Variants in ARFGEF1 observed in about 807,000 individuals in gnomAD.
ARFGEF1 encodes brefeldin A-inhibited guanine nucleotide-exchange protein 1.
A neutral mutation model predicts 231.0 loss-of-function variants in ARFGEF1; 42 were observed. That is an observed-to-expected ratio of 0.18 (90% CI 0.14 to 0.24). The LOEUF (loss-of-function observed/expected upper bound fraction) is 0.24, where lower values mean the gene tolerates loss of function less well. ARFGEF1 is among the 10% of genes least tolerant of loss of function. The pLI is 1.00. For missense variants in ARFGEF1, 1,345 were observed against 2,192.0 expected, an observed-to-expected ratio of 0.61 and a Z score of 7.72; for synonymous variants, 710 against 732.3, an observed-to-expected ratio of 0.97 and a Z score of 0.49.
chr8:67,283,612 T>C (rs1370831404), intron 7 of ARFGEF1, among the ~76,000 whole-genome samples: 3 of 152,116 alleles, frequency 2.0e-5, no homozygotes, highest in African/African-American at 7.2e-5. Flanking sequence ...CTGTAAAATA[T>C]ATCACAGAAT....
chr8:67,320,276 A>T (rs1459872259), intron 1 of ARFGEF1, among the ~76,000 whole-genome samples: 2 of 151,932 alleles, frequency 1.3e-5, no homozygotes, highest in African/African-American at 4.8e-5. Flanking sequence ...AGCCATTAAG[A>T]AAATGCAAAT....
chr8:67,197,262 T>C (rs1172002086), downstream of ARFGEF1, among the ~76,000 whole-genome samples: 1 of 151,916 alleles, frequency 6.6e-6, no homozygotes, highest in Non-Finnish European at 1.5e-5. Context: ...GCCTGGGCAA[T>C]ATAGTGAGAT....
Position 67,343,396 on chromosome 8 carries a change from G to A in ARFGEF1, c.-109C>T. 6.8e-7 allele frequency: 1 copy of A among 1,474,488 alleles called. No homozygotes were observed. The highest frequency in any genetic ancestry group is 9.0e-7 in the Non-Finnish European group (1 of 1,106,988). The allele number at this position is 1,474,488 out of a possible 1,614,324, so 91.3% of individuals were successfully genotyped here. ...GAGAGAAAGGAGAGGGGGTGGAGGT[G>A]GGGGATTGGAGGCGTGGAGGGCAGC... On this transcript the variant is annotated 5_prime_UTR_variant, in exon 1 of 39. Coordinates refer to ENST00000262215, the MANE Select transcript of ARFGEF1 (RefSeq NM_006421.5).
intron 1 of ARFGEF1, among the ~76,000 whole-genome samples, chr8:67,321,201 CA>C (rs1294605564): frequency 2.0e-5 from 3 of 151,874 alleles, no homozygotes; most frequent in Non-Finnish European, 4.4e-5. Context: ...TTCTGTATCC[CA>C]ACTGTGATAG....
At chr8:67,333,624 T>C (rs1187409695) in intron 1 of ARFGEF1, among the ~76,000 whole-genome samples, 1 of 152,130 alleles carries the variant, frequency 6.6e-6, no homozygotes, top group African/African-American at 2.4e-5. Context: ...GTTCAATTTT[T>C]TGAAGAATAT....
intron 1 of ARFGEF1, among the ~76,000 whole-genome samples, chr8:67,341,599 AAAAC>A (rs1007520110): frequency 5.9e-5 from 9 of 152,136 alleles, no homozygotes; most frequent in Admixed American, 5.2e-4. Flanking sequence ...CCTGTCTCAA[AAAAC>A]AAACAAAAAT....
At chr8:67,329,272 G>T (rs926004309) in intron 1 of ARFGEF1, among the ~76,000 whole-genome samples, 1 of 151,200 alleles carries the variant, frequency 6.6e-6, no homozygotes, top group African/African-American at 2.4e-5. Flanking sequence ...AAGAATTTAG[G>T]CCGGGCACAG....
chr8:67,202,871 C>A (rs1314108543), intron 36 of ARFGEF1, among the ~76,000 whole-genome samples: 1 of 152,088 alleles, frequency 6.6e-6, no homozygotes, highest in Non-Finnish European at 1.5e-5. Context: ...AATAATAGAC[C>A]AAGGGGGAAA....
At chr8:67,237,934 G>A (rs1043933965) in intron 22 of ARFGEF1, among the ~76,000 whole-genome samples, 4 of 152,130 alleles carry the variant, frequency 2.6e-5, no homozygotes, top group East Asian at 1.9e-4. Flanking sequence ...CATATTGAGC[G>A]CATGGGGAGC....
At chr8:67,213,536 A>G (rs1838822256) in intron 33 of ARFGEF1, among the ~76,000 whole-genome samples, 1 of 152,172 alleles carries the variant, frequency 6.6e-6, no homozygotes, top group Admixed American at 6.5e-5. Flanking sequence ...TTTTGTGTCA[A>G]TTTGGCTAGG....
rs1349564598 is a variant in ARFGEF1, at chr8:67,258,171, T to C, written c.2355A>G (p.Leu785=). The C allele has an allele frequency of 3.1e-6, 5 of 1,613,612 alleles. No homozygotes were observed. The African/African-American group carries it at 5.3e-5, about 17-fold the overall frequency. Residue 785 remains leucine (L), a synonymous_variant, in exon 16 of 39, where the codon CTA becomes CTG. Coordinates refer to ENST00000262215, the MANE Select transcript of ARFGEF1 (RefSeq NM_006421.5). The part of the protein sequence containing the change: ...KDFVSALRMF[L]EGFRLPGEAQ... ...CTTCCCCTGGAAGACGAAATCCTTC[T>C]AGAAACATACGAAGGGCTGAAACGA...
chr8:67,281,135 A>C (rs1014506931), intron 7 of ARFGEF1, among the ~76,000 whole-genome samples: 2 of 152,160 alleles, frequency 1.3e-5, no homozygotes, highest in African/African-American at 4.8e-5. Flanking sequence ...ATATTTGCAA[A>C]ATGGAAAAAC....
intron 1 of ARFGEF1, among the ~76,000 whole-genome samples, chr8:67,334,154 A>G (rs1229079257): frequency 1.3e-5 from 2 of 151,662 alleles, no homozygotes; most frequent in Non-Finnish European, 2.9e-5. Flanking sequence ...AAAAAAAAAA[A>G]AAAGAATAGT....
At chr8:67,213,454 G>C (rs1838819954) in intron 33 of ARFGEF1, among the ~76,000 whole-genome samples, 1 of 152,182 alleles carries the variant, frequency 6.6e-6, no homozygotes, top group Non-Finnish European at 1.5e-5. Context: ...GATAAAAAGA[G>C]GGAGGACAGC....
chr8:67,206,410 T>TAAAAAA (rs747164390), intron 34 of ARFGEF1, among the ~76,000 whole-genome samples: 1 of 102,044 alleles, frequency 9.8e-6, no homozygotes, highest in Non-Finnish European at 2.0e-5. Context: ...ATTTTATCTT[T>TAAAAAA]AAAAAAAAAA....
At chr8:67,289,524 G>C (rs1805907769) in intron 6 of ARFGEF1, among the ~76,000 whole-genome samples, 1 of 138,388 alleles carries the variant, frequency 7.2e-6, no homozygotes, top group Non-Finnish European at 1.5e-5. Context: ...ACTCTAGTCA[G>C]GGTGACAGAG....
At chr8:67,296,384 A>G in intron 5 of ARFGEF1, 47 bp downstream of exon 5, 1 of 1,539,314 alleles carries the variant, frequency 6.5e-7, no homozygotes, top group Non-Finnish European at 8.9e-7. Flanking sequence ...TTCTATGTTT[A>G]ATGCCTGTTG....
intron 19 of ARFGEF1, 45 bp from the exon 20 acceptor site, chr8:67,240,335 A>C: frequency 6.7e-7 from 1 of 1,495,600 alleles, no homozygotes; most frequent in South Asian, 1.3e-5. Context: ...TTATGATAAC[A>C]CATTAAAATT....
At position 67,201,765 on chromosome 8, in the gene ARFGEF1, C is replaced by T. The variant is rs959272349; in HGVS notation, c.5129-160G>A. 7.5e-6 allele frequency: 7 copies of T among 928,336 alleles called. No individual in the cohort carries two copies. In the African/African-American group the frequency reaches 1.2e-4, roughly 16 times the overall value. 57.5% of individuals were successfully genotyped at this position (928,336 alleles called of 1,614,324 possible). On this transcript the variant is annotated intron_variant, in intron 36 of 38. Transcript: ENST00000262215. The stretch of plus-strand genomic sequence containing the variant: ...CTGATGTGAAGGTGATTTCCATGTC[C>T]AGAATTCCCTCCCTATTCAAGCTGG...
Sources: gnomAD v4.1 joint callset for allele counts (sites outside exome capture counted in the v4.1 genomes callset) on GRCh38, gnomAD v4.1.1 for gene constraint, MANE v1.5 for transcripts, NCBI Gene and HGNC (gene_info 2026-07-23, HGNC 2026-07-21) for gene names.